ABLIM3: variants seen among roughly 807,000 people sequenced by gnomAD.
ABLIM3 encodes the protein actin-binding LIM protein 3.
A neutral mutation model predicts 109.5 loss-of-function variants in ABLIM3; 61 were observed. The observed-to-expected ratio is 0.56, with a 90% CI of 0.45 to 0.69. The LOEUF (loss-of-function observed/expected upper bound fraction) is 0.69, where lower values mean the gene tolerates loss of function less well. Ranked by LOEUF, ABLIM3 falls within the 30% of genes least tolerant of loss-of-function variation. The probability of loss-of-function intolerance (pLI) is 0.00; values close to 1 mark genes in which losing one functional copy is unlikely to be tolerated. For synonymous variants in ABLIM3, 300 were observed against 324.8 expected, an observed-to-expected ratio of 0.92 and a Z score of 0.82; for missense variants, 796 against 889.5, an observed-to-expected ratio of 0.89 and a Z score of 1.34.
intron 19 of ABLIM3, 115 bp downstream of exon 19, chr5:149,249,959 C>A (rs1290417278): frequency 1.6e-6 from 2 of 1,287,076 alleles, no homozygotes; most frequent in Admixed American, 3.5e-5. Context: ...CCAGCCCACT[C>A]CTGATCTCAA....
At chr5:149,254,783 T>C (rs990592468) in intron 23 of ABLIM3, among the ~76,000 whole-genome samples, 1 of 152,150 alleles carries the variant, frequency 6.6e-6, no homozygotes, top group Non-Finnish European at 1.5e-5. Context: ...TTTTTAGGGA[T>C]GGAAACATTC....
intron 2 of ABLIM3, among the ~76,000 whole-genome samples, chr5:149,161,471 T>C (rs1173880021): frequency 2.0e-5 from 3 of 152,158 alleles, no homozygotes; most frequent in East Asian, 1.9e-4. Context: ...TTTATGTGAG[T>C]AGGATTTGGA....
In ABLIM3 at chr5:149,217,292, C is replaced by T. The variant is rs555400719; in HGVS notation, c.757+246C>T. On this transcript the variant is annotated intron_variant, in intron 8 of 23. Coordinates refer to ENST00000309868, the MANE Select transcript of ABLIM3 (RefSeq NM_014945.5). ...CACCTCCACCCGCTGCCCAGCTGGA[C>T]TGCTTCCCTGGCAGTGCTCTGAGCA... is the stretch of plus-strand genomic sequence containing the variant. The T allele has an allele frequency of 2.3e-3, 1,229 of 542,634 alleles. 5 individuals are homozygous for T. Among genetic ancestry groups the T allele is most frequent in the Middle Eastern group, 4.9e-3 (10 of 2,036 alleles). 33.6% of individuals were successfully genotyped at this position (542,634 alleles called of 1,614,324 possible).
At chr5:149,175,281 C>G (rs1404240501) in intron 2 of ABLIM3, among the ~76,000 whole-genome samples, 6 of 152,188 alleles carry the variant, frequency 3.9e-5, no homozygotes, top group Admixed American at 2.6e-4. Context: ...GCCTTTCCCT[C>G]TATTCAGTGA....
At chr5:149,219,919 C>T (rs1293519754) in intron 8 of ABLIM3, 1 of 152,146 alleles carries the variant, frequency 6.6e-6, no homozygotes, top group Non-Finnish European at 1.5e-5. Flanking sequence ...AATTCCTAAT[C>T]TTAATCTTTC....
At chr5:149,211,192 T>A (rs961130683) in intron 7 of ABLIM3, among the ~76,000 whole-genome samples, 1 of 152,088 alleles carries the variant, frequency 6.6e-6, no homozygotes. Context: ...TGTTTGTTTG[T>A]TTGTTTTAGT....
chr5:149,252,713 C>CACCACCCTCACCCAAGCTGGAG (rs780184021), intron 22 of ABLIM3, 44 bp from the exon 23 acceptor site: 1 of 1,484,398 alleles, frequency 6.7e-7, no homozygotes, highest in East Asian at 2.3e-5. Flanking sequence ...GGAACAAGCC[C>CACCACCCTCACCCAAGCTGGAG]ACCACCCTCA....
At chr5:149,191,494 A>G (rs934239109) in intron 3 of ABLIM3, among the ~76,000 whole-genome samples, 2 of 152,222 alleles carry the variant, frequency 1.3e-5, no homozygotes, top group Non-Finnish European at 2.9e-5. Context: ...TCTACAAAAC[A>G]TTCAAAAACA....
At position 149,230,552 on chromosome 5, in the gene ABLIM3, G is replaced by A. The variant is rs970446720; in HGVS notation, c.758-97G>A. On this transcript the variant is annotated intron_variant, in intron 8 of 23. Transcript: ENST00000309868. ...GGGCCCTTCTGGCAGATGTGTAAGG[G>A]ACATACGCTGACCACGGAGTGAATC... 20 of 1,315,772 alleles carry A rather than the reference G, an allele frequency of 1.5e-5. No individual in the cohort carries two copies. In the African/African-American group the frequency reaches 2.9e-4, roughly 19 times the overall value. The allele number at this position is 1,315,772 out of a possible 1,614,324, so 81.5% of individuals were successfully genotyped here. A position where few individuals can be genotyped will look rare whatever the true frequency, so the allele number is the denominator to read the frequency against.
intron 7 of ABLIM3, among the ~76,000 whole-genome samples, chr5:149,215,070 G>A (rs1759923308): frequency 6.6e-6 from 1 of 152,202 alleles, no homozygotes; most frequent in African/African-American, 2.4e-5. Flanking sequence ...CCAAGACTGG[G>A]GCTGCTGAGA....
In ABLIM3 at chr5:149,237,641, G is replaced by GA. The variant is rs745973261; in HGVS notation, c.1044+41dup. On this transcript the variant is annotated intron_variant, in intron 11 of 23. Coordinates refer to ENST00000309868, the MANE Select transcript of ABLIM3 (RefSeq NM_014945.5). ...GCCCTTCTCTCTGGGGCTATTGTAG[G>GA]AAAGGAGATTGCTCTGGGGTCCCCA... The GA allele has an allele frequency of 6.2e-6, 10 of 1,611,260 alleles. No individual in the cohort carries two copies. The East Asian group carries it at 6.7e-5, about 11-fold the overall frequency.
chr5:149,243,484 G>A (rs1211846323), intron 15 of ABLIM3: 2 of 152,224 alleles, frequency 1.3e-5, no homozygotes, highest in Non-Finnish European at 2.9e-5. Flanking sequence ...TTGGAGATGA[G>A]CGAAGCAGTC....
At chr5:149,149,873 A>G (rs1307176109) in intron 2 of ABLIM3, among the ~76,000 whole-genome samples, 1 of 152,214 alleles carries the variant, frequency 6.6e-6, no homozygotes, top group Non-Finnish European at 1.5e-5. Flanking sequence ...ACTGTGGCTC[A>G]TGACCCACTG....
intron 6 of ABLIM3, among the ~76,000 whole-genome samples, chr5:149,208,338 A>G (rs545453571): frequency 7.1e-6 from 1 of 141,552 alleles, no homozygotes; most frequent in East Asian, 2.1e-4. Flanking sequence ...GTCTTTCTCT[A>G]TCTATCTTTT....
intron 3 of ABLIM3, among the ~76,000 whole-genome samples, chr5:149,186,711 T>C (rs981642550): frequency 5.9e-5 from 9 of 151,936 alleles, no homozygotes; most frequent in Admixed American, 3.3e-4. Flanking sequence ...GTCAAAAACA[T>C]ACAAATTATA....
chr5:149,184,809 G>A (rs1348684103), intron 3 of ABLIM3, among the ~76,000 whole-genome samples: 1 of 152,148 alleles, frequency 6.6e-6, no homozygotes, highest in Admixed American at 6.5e-5. Flanking sequence ...CCCTGCCATT[G>A]TGAAAATCCT....
chr5:149,219,713 G>C (rs969360851), intron 8 of ABLIM3: 4 of 152,228 alleles, frequency 2.6e-5, no homozygotes, highest in Admixed American at 2.6e-4. Context: ...AGTGTTATGA[G>C]GCTCAGCAAC....
In ABLIM3 at chr5:149,225,972, GTGTGTGTGTGTATATATATA is replaced by G. The variant is rs1761171913; in HGVS notation, c.758-4675_758-4656del. ...ATGTATATAATATGTGTGTGTGTGT[GTGTGTGTGTGTATATATATA>G]TATATATATATATATATATATATAT... On this transcript the variant is annotated intron_variant, in intron 8 of 23. Coordinates refer to ENST00000309868, the MANE Select transcript of ABLIM3 (RefSeq NM_014945.5). Among the ~76,000 whole-genome samples, 6 of 73,952 alleles carry G rather than the reference GTGTGTGTGTGTATATATATA, an allele frequency of 8.1e-5. No homozygotes were observed. In the South Asian group the frequency reaches 2.2e-3, roughly 28 times the overall value. The allele number at this position is 73,952 out of a possible 152,430, so 48.5% of individuals were successfully genotyped here.
rs376061407 is a variant in ABLIM3 at position 149,258,424 on chromosome 5, A to G, written c.*20A>G. 1.7e-5 allele frequency: 27 copies of G among 1,601,880 alleles called. No individual in the cohort carries two copies. The African/African-American group carries it at 2.7e-4, about 16-fold the overall frequency. On this transcript the variant is annotated 3_prime_UTR_variant, in exon 24 of 24. Transcript: ENST00000309868. ...TTCTAGGCAGAGGCTCTATAAATAT[A>G]TATGCATTTATATAAAGATATATGT...
Sources: allele counts gnomAD v4.1 joint callset (sites outside exome capture counted in the v4.1 genomes callset), GRCh38; gene constraint gnomAD v4.1.1; transcripts MANE v1.5; gene names NCBI Gene and HGNC (gene_info 2026-07-23, HGNC 2026-07-21).